ACYP2: variants seen among roughly 807,000 people sequenced by gnomAD.
The protein encoded by ACYP2 is acylphosphatase 2.
ACYP2 carries 12 observed loss-of-function variants against 11.2 expected under a neutral mutation model. The observed-to-expected ratio is 1.08, with a 90% CI of 0.69 to 1.74. ACYP2 has a LOEUF of 1.74. ACYP2 is among the 40% of genes most tolerant of loss of function. The pLI is 0.00. For missense variants in ACYP2, 134 were observed against 101.9 expected (o/e 1.31, Z -1.35); for synonymous variants, 43 against 32.2 (o/e 1.33, Z -1.13).
At chr2:54,033,062 A>G (rs942625735) in intron 2 of ACYP2, among the ~76,000 whole-genome samples, 45 of 152,322 alleles carry the variant, frequency 3.0e-4, no homozygotes, top group African/African-American at 1.0e-3. Context: ...ATTAAAGCCC[A>G]AGGCAAACTA....
chr2:53,983,203 T>C (rs1279679158), intron 2 of ACYP2, among the ~76,000 whole-genome samples: 1 of 152,042 alleles, frequency 6.6e-6, no homozygotes, highest in African/African-American at 2.4e-5. Flanking sequence ...TGATTAGAAA[T>C]GATTCAGCTA....
At chr2:54,081,887 C>T (rs1461698839) in intron 4 of ACYP2, among the ~76,000 whole-genome samples, 2 of 152,194 alleles carry the variant, frequency 1.3e-5, no homozygotes, top group Non-Finnish European at 2.9e-5. Flanking sequence ...GCTGGCTTAT[C>T]AGCTGAGCTG....
intron 6 of ACYP2, among the ~76,000 whole-genome samples, chr2:54,274,885 C>T (rs932475968): frequency 1.3e-5 from 2 of 152,198 alleles, no homozygotes; most frequent in Non-Finnish European, 2.9e-5. Context: ...GTAATAGCAG[C>T]TGCAGTTTTG....
chr2:54,187,206 GA>G (rs1443433996), intron 6 of ACYP2, among the ~76,000 whole-genome samples: 24 of 152,308 alleles, frequency 1.6e-4, no homozygotes, highest in African/African-American at 5.5e-4. Context: ...AAGGAAGGAA[GA>G]AAGGCTTTTA....
intron 4 of ACYP2, among the ~76,000 whole-genome samples, chr2:54,086,729 G>A (rs1677967580): frequency 6.6e-6 from 1 of 152,216 alleles, no homozygotes; most frequent in South Asian, 2.1e-4. Flanking sequence ...TTTGAAACAA[G>A]CGCAGACTGC....
At chr2:54,266,586 CTATCTTTTTTTTT>C (rs1688032157) in intron 6 of ACYP2, among the ~76,000 whole-genome samples, 3 of 99,176 alleles carry the variant, frequency 3.0e-5, no homozygotes, top group African/African-American at 1.2e-4. Flanking sequence ...AGATATCTAT[CTATCTTTTTTTTT>C]TTTTTTTTTT....
chr2:54,072,511 CTT>C (rs768410552), intron 4 of ACYP2, among the ~76,000 whole-genome samples: 25 of 70,898 alleles, frequency 3.5e-4, no homozygotes, highest in African/African-American at 8.8e-4. Flanking sequence ...CTCTCTCTCT[CTT>C]TCTTTCTTCT....
chr2:54,295,556 C>G (rs1689488962), intron 6 of ACYP2, among the ~76,000 whole-genome samples: 1 of 152,058 alleles, frequency 6.6e-6, no homozygotes, highest in African/African-American at 2.4e-5. Context: ...AGCTGTAGAC[C>G]TGAAGAAGGT....
At chr2:54,279,128 A>G (rs1193791534) in intron 6 of ACYP2, among the ~76,000 whole-genome samples, 1 of 152,258 alleles carries the variant, frequency 6.6e-6, no homozygotes, top group Non-Finnish European at 1.5e-5. Flanking sequence ...TATATCAAGA[A>G]TTTAAGAACT....
At chr2:54,266,897 C>A (rs1161074127) in intron 6 of ACYP2, among the ~76,000 whole-genome samples, 1 of 152,038 alleles carries the variant, frequency 6.6e-6, no homozygotes, top group African/African-American at 2.4e-5. Flanking sequence ...GCATGAGCCA[C>A]CGCACCCGGC....
chr2:54,042,778 C>G (rs1675304449), intron 2 of ACYP2, among the ~76,000 whole-genome samples: 1 of 152,128 alleles, frequency 6.6e-6, no homozygotes, highest in Non-Finnish European at 1.5e-5. Context: ...ACCATCTGTC[C>G]TTGGCCAGGG....
intron 5 of ACYP2, among the ~76,000 whole-genome samples, chr2:54,136,808 T>TCTA (rs1681270880): frequency 6.6e-6 from 1 of 152,138 alleles, no homozygotes; most frequent in Admixed American, 6.5e-5. Flanking sequence ...AAACCCCATC[T>TCTA]CTACTAAAAA....
intron 6 of ACYP2, among the ~76,000 whole-genome samples, chr2:54,265,261 G>A (rs1687963986): frequency 6.6e-6 from 1 of 152,150 alleles, no homozygotes. Flanking sequence ...AAGGCAAGGA[G>A]GAGCAAGTCA....
At chr2:53,983,105 G>C (rs182438741) in intron 2 of ACYP2, among the ~76,000 whole-genome samples, 2 of 152,208 alleles carry the variant, frequency 1.3e-5, no homozygotes, top group African/African-American at 2.4e-5. Flanking sequence ...TGGTTATGTA[G>C]AACAGGGGTA....
chr2:54,267,560 A>C (rs1377298541), intron 6 of ACYP2, among the ~76,000 whole-genome samples: 1 of 152,220 alleles, frequency 6.6e-6, no homozygotes, highest in African/African-American at 2.4e-5. Flanking sequence ...CATACATGCC[A>C]TGAATAATAG....
chr2:54,051,773 A>T (rs1441417596), intron 3 of ACYP2: 1 of 494,504 alleles, frequency 2.0e-6, no homozygotes, highest in African/African-American at 2.0e-5. Flanking sequence ...TGCCAGGCTC[A>T]GTGGCTCACA....
At chr2:54,244,280 C>T (rs1480578654) in intron 6 of ACYP2, among the ~76,000 whole-genome samples, 1 of 152,192 alleles carries the variant, frequency 6.6e-6, no homozygotes, top group African/African-American at 2.4e-5. Context: ...CAGTTCACTG[C>T]AACCTCCGCC....
intron 6 of ACYP2, chr2:54,255,976 AC>A: frequency 6.2e-7 from 1 of 1,613,394 alleles, no homozygotes; most frequent in East Asian, 2.2e-5. Flanking sequence ...CTGGGGCGCG[AC>A]CCCCTCCTCT....
At chr2:53,976,788 T>C (rs1011194556) in intron 2 of ACYP2, among the ~76,000 whole-genome samples, 9 of 152,216 alleles carry the variant, frequency 5.9e-5, no homozygotes, top group Admixed American at 6.5e-5. Flanking sequence ...GTTCAGTTTC[T>C]CATAAGGAAA....
Sources: gnomAD v4.1 joint callset for allele counts (sites outside exome capture counted in the v4.1 genomes callset) on GRCh38, gnomAD v4.1.1 for gene constraint, MANE v1.5 for transcripts, NCBI Gene and HGNC (gene_info 2026-07-23, HGNC 2026-07-21) for gene names.